Variants in FAM13B observed in about 807,000 individuals in gnomAD.
The protein encoded by FAM13B is family with sequence similarity 13 member B.
Under a neutral mutation model 117.3 loss-of-function variants are expected in FAM13B, and 60 were observed. The ratio of observed to expected loss-of-function variants is 0.51; its 90% CI spans 0.42 to 0.63. The LOEUF is 0.63. Ranked by LOEUF, FAM13B falls within the 30% of genes least tolerant of loss-of-function variation. The probability of loss-of-function intolerance (pLI) is 0.00; values close to 1 mark genes in which losing one functional copy is unlikely to be tolerated. For synonymous variants in FAM13B, 332 were observed against 356.1 expected (o/e 0.93, Z 0.76); for missense variants, 972 against 1,091.9 (o/e 0.89, Z 1.55).
Position 137,962,586 on chromosome 5 carries a change from T to C in FAM13B, c.1180-117A>G, listed in dbSNP as rs551930035. The C allele has an allele frequency of 6.4e-5, 50 of 783,412 alleles. No individual in the cohort carries two copies. The East Asian group carries it at 1.1e-3, about 18-fold the overall frequency. 48.5% of individuals were successfully genotyped at this position (783,412 alleles called of 1,614,324 possible). ...TTAGTCAAACACCCCTAATTAGCTA[T>C]CATTTATAATAGTCTGTAGTACTTA... On this transcript the variant is annotated intron_variant, in intron 10 of 23. Coordinates refer to ENST00000689681, the MANE Select transcript of FAM13B (RefSeq NM_001385994.1).
chr5:138,042,729 A>G (rs1418644840), intron 1 of FAM13B, among the ~76,000 whole-genome samples: 2 of 151,750 alleles, frequency 1.3e-5, no homozygotes, highest in Non-Finnish European at 2.9e-5. Context: ...GTTCGTGGAG[A>G]CACAAAAATA....
At chr5:137,976,867 A>C (rs1399789468) in intron 10 of FAM13B, among the ~76,000 whole-genome samples, 1 of 152,202 alleles carries the variant, frequency 6.6e-6, no homozygotes, top group Non-Finnish European at 1.5e-5. Flanking sequence ...TTGTAGAGCA[A>C]GTGTGTTTGA....
chr5:137,953,221 G>T, intron 16 of FAM13B, 115 bp downstream of exon 16: 1 of 1,106,106 alleles, frequency 9.0e-7, no homozygotes, highest in Non-Finnish European at 1.3e-6. Context: ...CTGTTCCTCC[G>T]GGTATCTCAG....
intron 7 of FAM13B, among the ~76,000 whole-genome samples, chr5:138,003,919 A>G (rs1781891092): frequency 6.6e-6 from 1 of 152,126 alleles, no homozygotes; most frequent in South Asian, 2.1e-4. Context: ...TCTTATTAAT[A>G]AACTGCTTTT....
At position 137,949,017 on chromosome 5, in the gene FAM13B, C is replaced by T. The variant is rs1158870666; in HGVS notation, c.2098G>A (p.Glu700Lys). Residue 700 changes from glutamate (E) to lysine (K), a missense_variant, in exon 18 of 24, where the codon GAA (glutamate) becomes AAA (lysine). By Grantham distance (56) the Glu-to-Lys change is moderately conservative. Coordinates refer to ENST00000689681, the MANE Select transcript of FAM13B (RefSeq NM_001385994.1). ...TCTTTCAGTCTTTTAAGAATAAGTTCAAGGGTTGCTTCTTTAGATGGTTTT... is the reference window on the plus strand; with the variant it reads ...TCTTTCAGTCTTTTAAGAATAAGTTTAAGGGTTGCTTCTTTAGATGGTTTT... The part of the protein sequence containing the change: ...EKKPSKEATL[E>K]LILKRLKEKR... The T allele has an allele frequency of 6.2e-7, 1 of 1,613,862 alleles. No homozygotes were observed. The highest frequency in any genetic ancestry group is 8.5e-7 in the Non-Finnish European group (1 of 1,180,014).
intron 1 of FAM13B, among the ~76,000 whole-genome samples, chr5:138,043,876 C>G (rs1337618516): frequency 6.6e-6 from 1 of 151,348 alleles, no homozygotes; most frequent in African/African-American, 2.4e-5. Flanking sequence ...CATACCCAGC[C>G]AGGACATTTT....
At chr5:138,044,290 G>A (rs1025883970) in intron 1 of FAM13B, among the ~76,000 whole-genome samples, 3 of 152,102 alleles carry the variant, frequency 2.0e-5, no homozygotes, top group Non-Finnish European at 4.4e-5. Flanking sequence ...TGTGGCTCAT[G>A]CCTCTATTCC....
chr5:138,013,116 T>C (rs1422082844), intron 4 of FAM13B, among the ~76,000 whole-genome samples: 1 of 151,802 alleles, frequency 6.6e-6, no homozygotes, highest in Admixed American at 6.6e-5. Flanking sequence ...GGTGAGAGGA[T>C]GGCTTGAGCC....
At chr5:138,012,334 A>C (rs947746349) in intron 4 of FAM13B, among the ~76,000 whole-genome samples, 2 of 151,742 alleles carry the variant, frequency 1.3e-5, no homozygotes, top group African/African-American at 4.8e-5. Flanking sequence ...GCCAGACAAT[A>C]CAAACCACTA....
At chr5:138,046,133 T>C (rs1791634688) in intron 1 of FAM13B, among the ~76,000 whole-genome samples, 1 of 152,212 alleles carries the variant, frequency 6.6e-6, no homozygotes, top group South Asian at 2.1e-4. Context: ...TTTTATAAGG[T>C]GGAGTTTCTC....
chr5:137,978,619 C>G (rs900889940), intron 10 of FAM13B, among the ~76,000 whole-genome samples: 2 of 151,994 alleles, frequency 1.3e-5, no homozygotes, highest in Non-Finnish European at 2.9e-5. Flanking sequence ...CTCCTTTTAC[C>G]TCTCTATTTT....
intron 10 of FAM13B, among the ~76,000 whole-genome samples, chr5:137,974,619 T>TA (rs1160488133): frequency 8.3e-5 from 5 of 60,304 alleles, no homozygotes; most frequent in South Asian, 9.4e-4. Flanking sequence ...TAATAATAAA[T>TA]AAAAAAAAGA....
chr5:138,030,316 A>G (rs1194850570), intron 1 of FAM13B, among the ~76,000 whole-genome samples: 1 of 152,014 alleles, frequency 6.6e-6, no homozygotes, highest in African/African-American at 2.4e-5. Context: ...GCATCATCAC[A>G]GCTCACTGCA....
At chr5:138,046,898 A>G (rs907065424) in intron 1 of FAM13B, among the ~76,000 whole-genome samples, 5 of 151,906 alleles carry the variant, frequency 3.3e-5, no homozygotes, top group Non-Finnish European at 7.4e-5. Context: ...GGCACCCACC[A>G]CCACGCCCAG....
intron 7 of FAM13B, among the ~76,000 whole-genome samples, chr5:138,003,637 G>A (rs375495627): frequency 5.6e-4 from 85 of 152,060 alleles, no homozygotes; most frequent in East Asian, 2.7e-3. Flanking sequence ...CCTCCATCCC[G>A]CACCGTCCTC....
chr5:137,981,767 C>T (rs1333945488), intron 10 of FAM13B, among the ~76,000 whole-genome samples: 1 of 150,160 alleles, frequency 6.7e-6, no homozygotes, highest in Non-Finnish European at 1.5e-5. Context: ...GCCTGGGCAA[C>T]AGAGACAGAC....
rs1408613904 is a variant in FAM13B at position 137,940,071 on chromosome 5, C to G, written c.*154G>C. On this transcript the variant is annotated 3_prime_UTR_variant, in exon 24 of 24. Transcript: ENST00000689681. ...CCTTGAGAGGGCCTACTTACTCTCC[C>G]ATCATTTGTTTTGTTTAGTGGCACC... is the stretch of plus-strand genomic sequence containing the variant. The G allele has an allele frequency of 6.2e-7, 1 of 1,614,016 alleles. No individual in the cohort carries two copies. The highest frequency in any genetic ancestry group is 8.5e-7 in the Non-Finnish European group (1 of 1,179,952).
At chr5:138,043,102 GAAC>G (rs1046484571) in intron 1 of FAM13B, among the ~76,000 whole-genome samples, 1 of 151,970 alleles carries the variant, frequency 6.6e-6, no homozygotes, top group Non-Finnish European at 1.5e-5. Context: ...AAATAAAAAA[GAAC>G]AACAACAAAA....
chr5:138,010,543 T>C (rs1176902466), intron 6 of FAM13B, among the ~76,000 whole-genome samples: 1 of 152,236 alleles, frequency 6.6e-6, no homozygotes, highest in Non-Finnish European at 1.5e-5. Flanking sequence ...CCACTTAAAC[T>C]ATTAATATCC....
Sources: allele counts gnomAD v4.1 joint callset (sites outside exome capture counted in the v4.1 genomes callset), GRCh38; gene constraint gnomAD v4.1.1; transcripts MANE v1.5; gene names NCBI Gene and HGNC (gene_info 2026-07-23, HGNC 2026-07-21).